The following PUDP variants were observed in gnomAD, a reference collection of about 807,000 sequenced individuals.
The protein encoded by PUDP is pseudouridine 5'-phosphatase.
PUDP carries 8 observed loss-of-function variants against 9.4 expected under a neutral mutation model. The observed-to-expected ratio is 0.85, with a 90% confidence interval of 0.50 to 1.53. PUDP has a LOEUF of 1.53. Among genes scored for constraint, PUDP ranks in the 40% most tolerant of loss-of-function variants. The probability of loss-of-function intolerance (pLI) is 0.00; values close to 1 mark genes in which losing one functional copy is unlikely to be tolerated. For synonymous variants in PUDP, 99 were observed against 80.7 expected, an observed-to-expected ratio of 1.23 and a Z score of -1.22; for missense variants, 188 against 189.7, an observed-to-expected ratio of 0.99 and a Z score of 0.05.
intron 3 of PUDP, among the ~76,000 whole-genome samples, chrX:7,056,172 G>A (rs771754633): frequency 2.7e-5 from 3 of 112,839 alleles, no homozygotes; most frequent in African/African-American, 9.6e-5. Flanking sequence ...TCTAAGCCAA[G>A]GGACTTCAGC....
At chrX:7,000,454 C>T (rs1398113410) in intron 1 of PUDP, among the ~76,000 whole-genome samples, 1 of 110,711 alleles carries the variant, frequency 9.0e-6, no homozygotes, top group Non-Finnish European at 1.9e-5. Flanking sequence ...TGTAACTCCT[C>T]CAAGGAGTGA....
chrX:6,993,961 G>A (rs1929218863), intron 1 of PUDP, among the ~76,000 whole-genome samples: 1 of 112,122 alleles, frequency 8.9e-6, no homozygotes, highest in Non-Finnish European at 1.9e-5. Context: ...AATTAAGACA[G>A]AACAAATTGG....
In PUDP at chrX:6,935,822, A is replaced by T. The variant is rs1410040075; in HGVS notation, c.*247+41311T>A. 3.0e-3 allele frequency among the ~76,000 whole-genome samples: 198 copies of T among 65,172 alleles called. 1 individual carries two copies. Among genetic ancestry groups the T allele is most frequent in the Non-Finnish European group, 4.4e-3 (155 of 35,143 alleles). 56.6% of individuals were successfully genotyped at this position (65,172 alleles called of 115,157 possible). ...GGGATATCACCACCGATCCCACAGA[A>T]ATACAAACTACCATCAGAGAATACT... On this transcript the variant is annotated intron_variant and NMD_transcript_variant, in intron 3 of 3. Coordinates refer to the PUDP transcript ENST00000655425.
chrX:6,800,452 A>T (rs1007468476), intron 3 of PUDP, among the ~76,000 whole-genome samples: 2 of 111,568 alleles, frequency 1.8e-5, no homozygotes, highest in African/African-American at 6.5e-5. Context: ...TGCACTTAAA[A>T]AGGGGCTATT....
Position 6,820,371 on chromosome X carries a change from G to A in PUDP, c.*248-113905C>T, listed in dbSNP as rs372841077. Among the ~76,000 whole-genome samples the A allele has an allele frequency of 1.5e-4, 17 of 110,586 alleles. 1 individual carries two copies. Among genetic ancestry groups the A allele is most frequent in the Middle Eastern group, 4.6e-3 (1 of 217 alleles). ...TCCAAATCTCACGTCTTCACATTTC[G>A]AAACGAATCATGCCTTCCCAACAGT... On this transcript the variant is annotated intron_variant and NMD_transcript_variant, in intron 3 of 3. Coordinates refer to the PUDP transcript ENST00000655425.
chrX:6,781,221 GCATGACTTGGTGGTAAAAGATATT>G (rs1925556487), intron 3 of PUDP, among the ~76,000 whole-genome samples: 1 of 111,148 alleles, frequency 9.0e-6, no homozygotes, highest in African/African-American at 3.3e-5. Context: ...TCACACCATG[GCATGACTTGGTGGTAAAAGATATT>G]CATTCATCAA....
chrX:7,085,751 T>C (rs1931244502), intron 2 of PUDP, among the ~76,000 whole-genome samples: 1 of 112,045 alleles, frequency 8.9e-6, no homozygotes, highest in Non-Finnish European at 1.9e-5. Context: ...GATAAATGGA[T>C]TGGTCATGCT....
intron 1 of PUDP, among the ~76,000 whole-genome samples, chrX:6,988,436 A>G (rs1929131858): frequency 2.7e-5 from 3 of 112,122 alleles, no homozygotes; most frequent in Admixed American, 1.9e-4. Flanking sequence ...AGACCTAGAA[A>G]TTATCACTAG....
intron 3 of PUDP, among the ~76,000 whole-genome samples, chrX:7,061,662 A>T (rs943835548): frequency 1.9e-5 from 2 of 107,060 alleles, no homozygotes; most frequent in African/African-American, 3.4e-5. Context: ...CATAACTATG[A>T]CGTACTTGGG....
intron 3 of PUDP, among the ~76,000 whole-genome samples, chrX:6,877,298 T>C (rs1927279564): frequency 9.0e-6 from 1 of 111,165 alleles, no homozygotes; most frequent in Non-Finnish European, 1.9e-5. Context: ...CTTTTGGGTC[T>C]TCTTTCAGAG....
chrX:6,852,737 C>T (rs1015235122), intron 3 of PUDP, among the ~76,000 whole-genome samples: 1 of 111,518 alleles, frequency 9.0e-6, no homozygotes, highest in Non-Finnish European at 1.9e-5. Flanking sequence ...TTTAATGTAT[C>T]ATCCATGTGT....
chrX:7,035,812 G>A (rs1463517000), intron 1 of PUDP, among the ~76,000 whole-genome samples: 1 of 111,800 alleles, frequency 8.9e-6, no homozygotes, highest in African/African-American at 3.3e-5. Context: ...TCCTTCCAAA[G>A]CTCATGTTGA....
intron 1 of PUDP, chrX:6,721,325 A>C (rs1924671222): frequency 8.9e-6 from 1 of 112,202 alleles, no homozygotes; most frequent in African/African-American, 3.2e-5. Context: ...ACCCATCCCA[A>C]GTGAGGTGAA....
chrX:6,778,552 G>A (rs960158702), intron 3 of PUDP, among the ~76,000 whole-genome samples: 9 of 112,556 alleles, frequency 8.0e-5, no homozygotes, highest in African/African-American at 2.9e-4. Flanking sequence ...CAAGACACGG[G>A]ATGTGTGATT....
chrX:6,806,416 T>A (rs892983737), intron 3 of PUDP, among the ~76,000 whole-genome samples: 1 of 111,795 alleles, frequency 8.9e-6, no homozygotes, highest in Non-Finnish European at 1.9e-5. Flanking sequence ...AGTCTTGAAC[T>A]CCCTGGCTCA....
At chrX:6,934,549 C>T (rs1418806003) in intron 3 of PUDP, among the ~76,000 whole-genome samples, 10 of 110,181 alleles carry the variant, frequency 9.1e-5, no homozygotes, top group Middle Eastern at 4.6e-3. Flanking sequence ...TAAAGACCAT[C>T]GAGACTAGGA....
intron 3 of PUDP, among the ~76,000 whole-genome samples, chrX:6,942,452 T>C (rs948593931): frequency 8.9e-6 from 1 of 111,863 alleles, no homozygotes; most frequent in Non-Finnish European, 1.9e-5. Flanking sequence ...ATCAGAGAAC[T>C]GGCTGTCCAG....
At chrX:7,110,526 A>G (rs1280901276) in intron 1 of PUDP, among the ~76,000 whole-genome samples, 1 of 111,440 alleles carries the variant, frequency 9.0e-6, no homozygotes, top group Non-Finnish European at 1.9e-5. Flanking sequence ...AGAAGCACAT[A>G]TGGTGATACG....
rs775706930 is a variant in PUDP, at chrX:6,795,793, T to C, written c.*248-89327A>G. The stretch of plus-strand genomic sequence containing the variant: ...ACAGGAAAAACTGCTTCCTTATATC[T>C]ACTCTATTGGACTCTTTGAATAAAT... On this transcript the variant is annotated intron_variant and NMD_transcript_variant, in intron 3 of 3. Transcript: ENST00000655425. 7.2e-5 allele frequency among the ~76,000 whole-genome samples: 8 copies of C among 111,607 alleles called. 1 individual carries two copies. In the South Asian group the frequency reaches 3.0e-3, roughly 43 times the overall value.
Sources: gnomAD v4.1 joint callset for allele counts (sites outside exome capture counted in the v4.1 genomes callset) on GRCh38, gnomAD v4.1.1 for gene constraint, MANE v1.5 for transcripts, NCBI Gene and HGNC (gene_info 2026-07-23, HGNC 2026-07-21) for gene names.